Variants in ARHGAP6 observed in about 807,000 individuals in gnomAD.
ARHGAP6 encodes the protein Rho GTPase activating protein 6.
Under a neutral mutation model 55.7 loss-of-function variants are expected in ARHGAP6, and 16 were observed. The ratio of observed to expected loss-of-function variants is 0.29; its 90% CI spans 0.19 to 0.44. The LOEUF (loss-of-function observed/expected upper bound fraction) is 0.44. Ranked by LOEUF, ARHGAP6 falls within the 20% of genes least tolerant of loss-of-function variation. The pLI, the probability that ARHGAP6 is intolerant of heterozygous loss-of-function variation, is 1.00. For synonymous variants in ARHGAP6, 382 were observed against 360.9 expected (o/e 1.06, Z -0.66); for missense variants, 698 against 808.9 (o/e 0.86, Z 1.66).
intron 1 of ARHGAP6, among the ~76,000 whole-genome samples, chrX:11,641,118 G>C (rs923065229): frequency 3.6e-5 from 4 of 110,680 alleles, no homozygotes; most frequent in Non-Finnish European, 7.6e-5. Context: ...TGGAACCAGT[G>C]GTCCTTAGTT....
chrX:11,405,206 T>A (rs2147757312), intron 1 of ARHGAP6, among the ~76,000 whole-genome samples: 1 of 111,902 alleles, frequency 8.9e-6, no homozygotes, highest in East Asian at 2.8e-4. Context: ...TGATTCTCAC[T>A]TCTACCACCA....
At chrX:11,169,769 T>A in intron 8 of ARHGAP6, 85 bp from the exon 9 acceptor site, 1 of 752,097 alleles carries the variant, frequency 1.3e-6, no homozygotes, top group Non-Finnish European at 1.8e-6. Context: ...AACCTTTTAC[T>A]CTCCTTTTTT....
At chrX:11,177,242 C>T (rs891967019) in intron 8 of ARHGAP6, among the ~76,000 whole-genome samples, 3 of 109,832 alleles carry the variant, frequency 2.7e-5, no homozygotes, top group Non-Finnish European at 5.7e-5. Flanking sequence ...AAATACGTTG[C>T]CCATAAGTAA....
chrX:11,574,254 C>A (rs1472339080), intron 1 of ARHGAP6, among the ~76,000 whole-genome samples: 1 of 111,280 alleles, frequency 9.0e-6, no homozygotes, highest in African/African-American at 3.3e-5. Flanking sequence ...ATACCAAAGC[C>A]AGGCAGAGAC....
At chrX:11,431,993 C>T (rs2049944602) in intron 1 of ARHGAP6, among the ~76,000 whole-genome samples, 1 of 111,669 alleles carries the variant, frequency 9.0e-6, no homozygotes, top group Non-Finnish European at 1.9e-5. Context: ...GCATCATCCC[C>T]AGCCTCTACC....
intron 1 of ARHGAP6, among the ~76,000 whole-genome samples, chrX:11,446,582 C>T (rs987599129): frequency 4.5e-5 from 5 of 111,324 alleles, no homozygotes; most frequent in Non-Finnish European, 7.5e-5. Context: ...GCTGACATTC[C>T]GTTCCTTTTC....
intron 1 of ARHGAP6, among the ~76,000 whole-genome samples, chrX:11,270,803 C>T (rs2047684033): frequency 8.9e-6 from 1 of 111,929 alleles, no homozygotes; most frequent in Admixed American, 9.4e-5. Flanking sequence ...GAGAGTCCCT[C>T]TCTTTTTCCA....
chrX:11,631,995 A>C (rs5978454), intron 1 of ARHGAP6, among the ~76,000 whole-genome samples: 41,097 of 110,863 alleles, frequency 0.37, 5,896 homozygotes, highest in African/African-American at 0.53. Flanking sequence ...TGGTCTACAG[A>C]AGGTGGTTTT....
intron 1 of ARHGAP6, among the ~76,000 whole-genome samples, chrX:11,416,328 T>C (rs935511931): frequency 2.7e-5 from 3 of 111,793 alleles, no homozygotes; most frequent in African/African-American, 9.8e-5. Context: ...TTGGGCTCAG[T>C]ATGACTACAT....
At chrX:11,647,520 C>A (rs2052542806) in intron 1 of ARHGAP6, among the ~76,000 whole-genome samples, 1 of 111,996 alleles carries the variant, frequency 8.9e-6, no homozygotes, top group East Asian at 2.8e-4. Context: ...GCAGGCGAAT[C>A]CAAATTACAG....
At chrX:11,484,860 A>G (rs1329509271) in intron 1 of ARHGAP6, among the ~76,000 whole-genome samples, 3 of 111,995 alleles carry the variant, frequency 2.7e-5, no homozygotes, top group Non-Finnish European at 5.6e-5. Flanking sequence ...CTAACTTTAC[A>G]TTTGAGAAAA....
At chrX:11,266,010 C>T (rs954277520) in intron 1 of ARHGAP6, 18 of 807,497 alleles carry the variant, frequency 2.2e-5, no homozygotes, top group Admixed American at 1.1e-4. Context: ...TGAGTGAGTG[C>T]GTGTGTTTGT....
chrX:11,206,134 C>T (rs921889468), intron 2 of ARHGAP6, among the ~76,000 whole-genome samples: 4 of 111,859 alleles, frequency 3.6e-5, no homozygotes, highest in Admixed American at 2.9e-4. Context: ...TACCTGAAAT[C>T]CCACCTCTTC....
intron 1 of ARHGAP6, among the ~76,000 whole-genome samples, chrX:11,391,254 A>G (rs1433798762): frequency 9.0e-6 from 1 of 111,454 alleles, no homozygotes; most frequent in Non-Finnish European, 1.9e-5. Context: ...CATAGGTGGG[A>G]ATTGAACAAT....
intron 8 of ARHGAP6, among the ~76,000 whole-genome samples, chrX:11,177,843 G>T (rs1444379278): frequency 3.6e-5 from 4 of 111,701 alleles, no homozygotes; most frequent in Non-Finnish European, 5.6e-5. Flanking sequence ...TCAGAGTCTT[G>T]AGTAAAGCCT....
chrX:11,444,004 A>G (rs2050067762), intron 1 of ARHGAP6, among the ~76,000 whole-genome samples: 1 of 112,693 alleles, frequency 8.9e-6, no homozygotes, highest in Admixed American at 9.3e-5. Context: ...ACACCTGTTC[A>G]TGTGCTTATT....
intron 1 of ARHGAP6, among the ~76,000 whole-genome samples, chrX:11,370,637 C>T (rs1158299355): frequency 4.5e-5 from 5 of 111,732 alleles, no homozygotes; most frequent in Non-Finnish European, 1.9e-5. Context: ...ATAGGTTTAC[C>T]TCCTACAATT....
At chrX:11,351,323 A>G (rs1375852201) in intron 1 of ARHGAP6, 3 of 941,430 alleles carry the variant, frequency 3.2e-6, no homozygotes, top group East Asian at 1.6e-4. Flanking sequence ...AAGAGCTACT[A>G]TATTAAAATA....
chrX:11,212,814 A>G (rs1388159382), intron 2 of ARHGAP6, among the ~76,000 whole-genome samples: 1 of 112,127 alleles, frequency 8.9e-6, no homozygotes, highest in Non-Finnish European at 1.9e-5. Flanking sequence ...TATAAAATAA[A>G]GATTAAATAA....
Sources: gnomAD v4.1 joint callset for allele counts (sites outside exome capture counted in the v4.1 genomes callset) on GRCh38, gnomAD v4.1.1 for gene constraint, MANE v1.5 for transcripts, NCBI Gene and HGNC (gene_info 2026-07-23, HGNC 2026-07-21) for gene names.